The following SMAP1 variants were observed in gnomAD, a reference collection of about 807,000 sequenced individuals.
The protein encoded by SMAP1 is stromal membrane-associated protein 1.
A neutral mutation model predicts 58.5 loss-of-function variants in SMAP1; 24 were observed. The observed-to-expected ratio is 0.41, with a 90% confidence interval of 0.30 to 0.58. SMAP1 has a LOEUF of 0.58. SMAP1 is among the 20% of genes least tolerant of loss of function. The pLI, the probability that SMAP1 is intolerant of heterozygous loss-of-function variation, is 0.29. For synonymous variants in SMAP1, 216 were observed against 196.6 expected (o/e 1.10, Z -0.82); for missense variants, 563 against 566.3 (o/e 0.99, Z 0.06).
chr6:70,744,166 C>G (rs1765923950), intron 2 of SMAP1, among the ~76,000 whole-genome samples: 1 of 140,904 alleles, frequency 7.1e-6, no homozygotes, highest in Non-Finnish European at 1.5e-5. Flanking sequence ...TCATTTAACT[C>G]CTAATTCTTT....
intron 1 of SMAP1, among the ~76,000 whole-genome samples, chr6:70,677,677 TGA>T (rs1219929224): frequency 2.0e-5 from 3 of 152,028 alleles, no homozygotes; most frequent in Non-Finnish European, 4.4e-5. Context: ...ATTATATTAT[TGA>T]GAGTTTATTT....
At chr6:70,730,073 C>T (rs1343040560) in intron 1 of SMAP1, among the ~76,000 whole-genome samples, 1 of 152,106 alleles carries the variant, frequency 6.6e-6, no homozygotes, top group Admixed American at 6.5e-5. Context: ...CCCTTCTCCC[C>T]CTGACCCTCC....
At chr6:70,758,253 A>T (rs1194710483) in intron 3 of SMAP1, among the ~76,000 whole-genome samples, 1 of 151,778 alleles carries the variant, frequency 6.6e-6, no homozygotes, top group Non-Finnish European at 1.5e-5. Flanking sequence ...CATCATTCTC[A>T]GTAATCTATC....
At chr6:70,783,767 AAACG>A (rs1448789389) in intron 4 of SMAP1, among the ~76,000 whole-genome samples, 2 of 152,228 alleles carry the variant, frequency 1.3e-5, no homozygotes, top group South Asian at 2.1e-4. Context: ...GAATAAAAAG[AAACG>A]AACAAAGTCT....
chr6:70,858,039 TG>T lies in SMAP1; in HGVS notation c.1082del (p.Gly361AspfsTer6). ...GCTCCTGGCCTTATAGGAAATGTGATGGGACAGAGTCCAAGCATGATGGTGG... is the reference window on the plus strand; with the variant it reads ...GCTCCTGGCCTTATAGGAAATGTGATGGACAGAGTCCAAGCATGATGGTGG... ...PAAPGLIGNVMGQSPSMMVGM... is the reference protein window; with the variant it reads ...PAAPGLIGNVXGQSPSMMVGM... On this transcript the variant is annotated frameshift_variant, in exon 10 of 11. Coordinates refer to ENST00000370455, the MANE Select transcript of SMAP1 (RefSeq NM_001044305.3). LOFTEE classifies it high-confidence loss of function. The T allele has an allele frequency of 6.2e-7, 1 of 1,614,164 alleles. No homozygotes were observed. The highest frequency in any genetic ancestry group is 8.5e-7 in the Non-Finnish European group (1 of 1,180,006).
chr6:70,680,036 CACATAT>C (rs1766636716), intron 1 of SMAP1, among the ~76,000 whole-genome samples: 1 of 152,126 alleles, frequency 6.6e-6, no homozygotes, highest in Middle Eastern at 3.4e-3. Context: ...GAAATAGACT[CACATAT>C]TATGGTCAGT....
intron 2 of SMAP1, among the ~76,000 whole-genome samples, chr6:70,735,492 T>G (rs1462222600): frequency 2.0e-5 from 3 of 152,230 alleles, no homozygotes; most frequent in Non-Finnish European, 2.9e-5. Flanking sequence ...TAAAAAGTGC[T>G]TGAGGCCAGG....
chr6:70,760,904 G>C (rs1316057671), intron 3 of SMAP1, among the ~76,000 whole-genome samples: 1 of 152,028 alleles, frequency 6.6e-6, no homozygotes, highest in African/African-American at 2.4e-5. Flanking sequence ...CCTAGTGCAT[G>C]ACAAATGATA....
At chr6:70,818,137 T>C (rs1337698608) in intron 6 of SMAP1, among the ~76,000 whole-genome samples, 1 of 151,766 alleles carries the variant, frequency 6.6e-6, no homozygotes, top group Non-Finnish European at 1.5e-5. Context: ...TTCTTTATAA[T>C]GAAAACCTAA....
intron 8 of SMAP1, among the ~76,000 whole-genome samples, chr6:70,854,847 A>T (rs1450986980): frequency 1.3e-5 from 2 of 152,098 alleles, no homozygotes; most frequent in Non-Finnish European, 2.9e-5. Flanking sequence ...GAGTATATAC[A>T]AATTCTAGTA....
At chr6:70,692,899 T>G (rs1353013134) in intron 1 of SMAP1, among the ~76,000 whole-genome samples, 2 of 152,188 alleles carry the variant, frequency 1.3e-5, no homozygotes, top group Non-Finnish European at 2.9e-5. Context: ...TTCTCCTGCC[T>G]CAGCCTCCCG....
At chr6:70,806,442 C>T (rs1312553363) in intron 6 of SMAP1, among the ~76,000 whole-genome samples, 2 of 152,168 alleles carry the variant, frequency 1.3e-5, no homozygotes, top group African/African-American at 2.4e-5. Flanking sequence ...AAGGGAAATC[C>T]GTGACCCCCT....
At chr6:70,843,957 CTGAG>C (rs1770895281) in intron 7 of SMAP1, among the ~76,000 whole-genome samples, 1 of 152,108 alleles carries the variant, frequency 6.6e-6, no homozygotes, top group Non-Finnish European at 1.5e-5. Flanking sequence ...AAAAATTATG[CTGAG>C]TAACACACAG....
At chr6:70,840,602 G>A (rs1009964344) in intron 7 of SMAP1, among the ~76,000 whole-genome samples, 1 of 152,136 alleles carries the variant, frequency 6.6e-6, no homozygotes, top group Non-Finnish European at 1.5e-5. Context: ...CCTATCAACT[G>A]TAAAAACAGG....
At chr6:70,752,432 T>C (rs983304898) in intron 2 of SMAP1, among the ~76,000 whole-genome samples, 8 of 152,232 alleles carry the variant, frequency 5.3e-5, no homozygotes, top group South Asian at 2.1e-4. Context: ...TTCTGTTTCT[T>C]TTCCTGTAAA....
chr6:70,762,746 A>G (rs1020502964), intron 3 of SMAP1, among the ~76,000 whole-genome samples: 4 of 152,146 alleles, frequency 2.6e-5, no homozygotes, highest in Admixed American at 6.6e-5. Context: ...GAAAAACACT[A>G]TGTACCAAAC....
chr6:70,730,811 A>ATTTTTTTTTTTTTTTTTTTTTTTTTT (rs1562120319), intron 1 of SMAP1, among the ~76,000 whole-genome samples: 1 of 152,060 alleles, frequency 6.6e-6, no homozygotes, highest in Non-Finnish European at 1.5e-5. Flanking sequence ...TTAATTTTTA[A>ATTTTTTTTTTTTTTTTTTTTTTTTTT]TTTTTTGATA....
intron 1 of SMAP1, among the ~76,000 whole-genome samples, chr6:70,704,506 C>T (rs1430361619): frequency 6.6e-6 from 1 of 151,964 alleles, no homozygotes; most frequent in Non-Finnish European, 1.5e-5. Context: ...TTAAATTGTT[C>T]ATGTTTCAAA....
chr6:70,857,999 G>A lies in SMAP1; in HGVS notation c.1039G>A (p.Val347Met), dbSNP rs201352419. Residue 347 changes from valine (V) to methionine (M), a missense_variant, in exon 10 of 11, where the codon GTG becomes ATG. By Grantham distance (21) the Val-to-Met change is conservative (BLOSUM62 1). Transcript: ENST00000370455. Reference protein sequence around the residue: ...AAFQGFPSMGVPVPAAPGLIG... With the variant: ...AAFQGFPSMGMPVPAAPGLIG... ...ATTTCAGGGCTTTCCATCGATGGGC[G>A]TGCCTGTGCCTGCAGCTCCTGGCCT... is the stretch of plus-strand genomic sequence containing the variant. 43 of 1,614,012 alleles carry A rather than the reference G, an allele frequency of 2.7e-5. No homozygotes were observed. Among genetic ancestry groups the A allele is most frequent in the South Asian group, 4.4e-5 (4 of 91,090 alleles).
Sources: gnomAD v4.1 joint callset for allele counts (sites outside exome capture counted in the v4.1 genomes callset) on GRCh38, gnomAD v4.1.1 for gene constraint, MANE v1.5 for transcripts, NCBI Gene and HGNC (gene_info 2026-07-23, HGNC 2026-07-21) for gene names.